The following DPP6 variants were observed in gnomAD, a reference collection of about 807,000 sequenced individuals.
The protein encoded by DPP6 is dipeptidyl peptidase like 6, also known as A-type potassium channel modulatory protein DPP6.
A neutral mutation model predicts 122.6 loss-of-function variants in DPP6; 69 were observed. The observed-to-expected ratio is 0.56, with a 90% confidence interval of 0.46 to 0.69. The LOEUF (loss-of-function observed/expected upper bound fraction) is 0.69, where lower values mean the gene tolerates loss of function less well. Among genes scored for constraint, DPP6 ranks in the 30% least tolerant of loss-of-function variants. The probability of loss-of-function intolerance (pLI) is 0.00; values close to 1 mark genes in which losing one functional copy is unlikely to be tolerated. For synonymous variants in DPP6, 418 were observed against 433.1 expected, an observed-to-expected ratio of 0.97 and a Z score of 0.43; for missense variants, 928 against 1,116.9, an observed-to-expected ratio of 0.83 and a Z score of 2.41.
At chr7:153,923,494 G>T (rs1195384124) in intron 1 of DPP6, among the ~76,000 whole-genome samples, 1 of 152,126 alleles carries the variant, frequency 6.6e-6, no homozygotes, top group Non-Finnish European at 1.5e-5. Context: ...CGGCGTGGTG[G>T]CTCATGCCTG....
At chr7:153,861,728 A>C in the DPP6 span, among the ~76,000 whole-genome samples, 3 of 152,218 alleles carry the variant, frequency 2.0e-5, no homozygotes, top group Non-Finnish European at 4.4e-5. Context: ...CAGCACCAAG[A>C]TAAAGAGATG....
intron 1 of DPP6, among the ~76,000 whole-genome samples, chr7:153,989,611 G>A (rs911742135): frequency 2.0e-5 from 3 of 151,958 alleles, no homozygotes; most frequent in Non-Finnish European, 4.4e-5. Flanking sequence ...GAAAAGGGGG[G>A]TGCTCACAGC....
intron 1 of DPP6, among the ~76,000 whole-genome samples, chr7:154,313,685 G>GTGTGTGTGTGTATACATATATATATATA: frequency 9.8e-5 from 2 of 20,468 alleles, no homozygotes; most frequent in Non-Finnish European, 2.2e-4. Context: ...TTAAGATATG[G>GTGTGTGTGTGTATACATATATATATATA]TATATATATA....
intron 1 of DPP6, among the ~76,000 whole-genome samples, chr7:153,924,559 C>T (rs994489654): frequency 6.6e-6 from 1 of 152,188 alleles, no homozygotes; most frequent in African/African-American, 2.4e-5. Flanking sequence ...TTAACTCTCC[C>T]CTTTTCTAGA....
At chr7:153,786,740 G>GGAAAAAAAA in the DPP6 span, among the ~76,000 whole-genome samples, 50 of 31,806 alleles carry the variant, frequency 1.6e-3, no homozygotes, top group South Asian at 0.01. Flanking sequence ...CTCCGTCTCA[G>GGAAAAAAAA]AAAAAAAAAA....
In DPP6 at chr7:154,886,969, C is replaced by G. The variant is rs142291724; in HGVS notation, c.2246-707C>G. 2.0e-4 allele frequency among the ~76,000 whole-genome samples: 30 copies of G among 152,378 alleles called. No individual in the cohort carries two copies. The East Asian group carries it at 5.4e-3, about 27-fold the overall frequency. ...CTTCCCTCAGGAATGCGGGTGCCAC[C>G]TTCAAATTGAGTGAGACTTTCTTAA... On this transcript the variant is annotated intron_variant, in intron 22 of 25. Transcript: ENST00000377770.
At chr7:154,538,697 T>C (rs1367967127) in intron 3 of DPP6, among the ~76,000 whole-genome samples, 1 of 151,640 alleles carries the variant, frequency 6.6e-6, no homozygotes, top group East Asian at 1.9e-4. Flanking sequence ...CTAACAAACT[T>C]AAGTGCTTTC....
chr7:153,968,668 C>T (rs892559532), intron 1 of DPP6: 3 of 151,846 alleles, frequency 2.0e-5, no homozygotes, highest in Admixed American at 1.3e-4. Flanking sequence ...TTCCTACCAC[C>T]ACTCCATCAT....
intron 8 of DPP6, among the ~76,000 whole-genome samples, chr7:154,752,871 A>G (rs965944599): frequency 4.6e-5 from 7 of 152,204 alleles, no homozygotes; most frequent in African/African-American, 1.7e-4. Flanking sequence ...AGGGAAAGAC[A>G]TGGTGGACGG....
the DPP6 span, among the ~76,000 whole-genome samples, chr7:153,871,555 C>A: frequency 1.4e-4 from 21 of 152,194 alleles, no homozygotes; most frequent in African/African-American, 2.4e-5. Context: ...TCTGTCACCC[C>A]TTTCTTTGAC....
chr7:154,522,799 T>C (rs1265167293), intron 3 of DPP6, among the ~76,000 whole-genome samples: 1 of 152,218 alleles, frequency 6.6e-6, no homozygotes, highest in Non-Finnish European at 1.5e-5. Flanking sequence ...AGGAGCCCCC[T>C]GAACTGTCTT....
intron 3 of DPP6, among the ~76,000 whole-genome samples, chr7:154,507,798 C>T (rs1825774095): frequency 6.6e-6 from 1 of 152,066 alleles, no homozygotes; most frequent in Non-Finnish European, 1.5e-5. Context: ...GTGAGGAAGC[C>T]AGTGATGATT....
intron 1 of DPP6, among the ~76,000 whole-genome samples, chr7:154,352,974 T>G (rs2151083402): frequency 6.6e-6 from 1 of 152,366 alleles, no homozygotes; most frequent in Middle Eastern, 3.4e-3. Context: ...CATTTTGTTT[T>G]TAGAGATATA....
At chr7:154,842,353 G>A (rs1279286093) in intron 16 of DPP6, among the ~76,000 whole-genome samples, 1 of 152,190 alleles carries the variant, frequency 6.6e-6, no homozygotes, top group Non-Finnish European at 1.5e-5. Flanking sequence ...GACAAGCCCT[G>A]TCTTTATGAA....
chr7:154,544,189 T>G (rs1426602724), intron 4 of DPP6, among the ~76,000 whole-genome samples: 1 of 149,512 alleles, frequency 6.7e-6, no homozygotes. Flanking sequence ...TTCCTGATCC[T>G]TATTATTTGA....
At chr7:154,273,076 T>C (rs1803898362) in intron 1 of DPP6, among the ~76,000 whole-genome samples, 1 of 152,162 alleles carries the variant, frequency 6.6e-6, no homozygotes, top group African/African-American at 2.4e-5. Flanking sequence ...AATTTTCTAG[T>C]GTAGAAGAAT....
In DPP6 at chr7:154,160,147, A is replaced by G. The variant is rs558509684; in HGVS notation, c.243+107084A>G. 2.6e-5 allele frequency among the ~76,000 whole-genome samples: 4 copies of G among 151,686 alleles called. No homozygotes were observed. In the East Asian group the frequency reaches 7.7e-4, roughly 29 times the overall value. ...AAAAATAAAATAAAATACATCAGAC[A>G]TAGAGCGGTTAATTGGCTACCCAAT... On this transcript the variant is annotated intron_variant, in intron 1 of 25. Coordinates refer to ENST00000377770, the MANE Select transcript of DPP6 (RefSeq NM_130797.4).
intron 1 of DPP6, among the ~76,000 whole-genome samples, chr7:153,922,016 T>G (rs1160560587): frequency 2.0e-5 from 3 of 152,138 alleles, no homozygotes; most frequent in Non-Finnish European, 4.4e-5. Context: ...AGCCGACGGC[T>G]TTGCACGTCA....
chr7:154,893,452 T>G lies in DPP6; in HGVS notation c.*972T>G, dbSNP rs1272944. On this transcript the variant is annotated 3_prime_UTR_variant, in exon 26 of 26. Transcript: ENST00000377770. The stretch of plus-strand genomic sequence containing the variant: ...AAGCTCTTTCCCATGACATTTGGTT[T>G]AAAAAAAAAAAAAAAAAAAAAAAAA... The G allele has an allele frequency of 1.1e-5, 1 of 90,700 alleles. No individual in the cohort carries two copies. Among genetic ancestry groups the G allele is most frequent in the Non-Finnish European group, 1.9e-5 (1 of 52,302 alleles). The allele number at this position is 90,700 out of a possible 1,614,324, so 5.6% of individuals were successfully genotyped here.
Sources: allele counts gnomAD v4.1 joint callset (sites outside exome capture counted in the v4.1 genomes callset), GRCh38; gene constraint gnomAD v4.1.1; transcripts MANE v1.5; gene names NCBI Gene and HGNC (gene_info 2026-07-23, HGNC 2026-07-21).